The following MALRD1 variants were observed in gnomAD, a reference collection of about 807,000 sequenced individuals.
MALRD1 encodes MAM and LDL receptor class A domain containing 1.
MALRD1 carries 247 observed loss-of-function variants against 242.1 expected under a neutral mutation model. The observed-to-expected ratio is 1.02, with a 90% CI of 0.92 to 1.13. MALRD1 has a LOEUF of 1.13. MALRD1 is among the 50% of genes most tolerant of loss of function. MALRD1 has a pLI of 0.00. For missense variants in MALRD1, 2,989 were observed against 2,533.1 expected (o/e 1.18, Z -3.86); for synonymous variants, 995 against 866.6 (o/e 1.15, Z -2.60).
intron 18 of MALRD1, among the ~76,000 whole-genome samples, chr10:19,235,866 T>C (rs1414517560): frequency 6.6e-6 from 1 of 152,042 alleles, no homozygotes; most frequent in African/African-American, 2.4e-5. Flanking sequence ...TTAAGGTATT[T>C]CAAACCCTTG....
intron 5 of MALRD1, among the ~76,000 whole-genome samples, chr10:19,110,264 A>G (rs1334954057): frequency 1.3e-5 from 2 of 152,210 alleles, no homozygotes; most frequent in Non-Finnish European, 2.9e-5. Flanking sequence ...TTCTGTTAGC[A>G]TAAGAGCTTA....
chr10:19,541,278 A>G (rs1834956536), intron 32 of MALRD1, among the ~76,000 whole-genome samples: 1 of 152,214 alleles, frequency 6.6e-6, no homozygotes, highest in African/African-American at 2.4e-5. Flanking sequence ...GGAGAAAAAT[A>G]TTAGATAGTA....
chr10:19,545,731 G>A (rs1835180480), intron 32 of MALRD1, among the ~76,000 whole-genome samples: 1 of 152,066 alleles, frequency 6.6e-6, no homozygotes, highest in South Asian at 2.1e-4. Context: ...CTCCTTCAAG[G>A]AAAATTATTA....
chr10:19,094,135 C>A lies in MALRD1; in HGVS notation c.597+5950C>A, dbSNP rs1333934390. ...TGGGCTCCACCCAGTTGGAGCTTCCCGGCTGCTTTGTTTACCTAAGCAAGC... is the reference window on the plus strand; with the variant it reads ...TGGGCTCCACCCAGTTGGAGCTTCCAGGCTGCTTTGTTTACCTAAGCAAGC... On this transcript the variant is annotated intron_variant, in intron 4 of 39. Coordinates refer to ENST00000454679, the MANE Select transcript of MALRD1 (RefSeq NM_001142308.3). Among the ~76,000 whole-genome samples, 203 of 108,286 alleles carry A rather than the reference C, an allele frequency of 1.9e-3. 8 individuals are homozygous for A. Among genetic ancestry groups the A allele is most frequent in the African/African-American group, 7.2e-3 (191 of 26,396 alleles). 71.0% of individuals were successfully genotyped at this position (108,286 alleles called of 152,430 possible). A position where few individuals can be genotyped will look rare whatever the true frequency, so the allele number is the denominator to read the frequency against.
At chr10:19,280,690 C>A (rs1840760747) in intron 20 of MALRD1, among the ~76,000 whole-genome samples, 1 of 152,124 alleles carries the variant, frequency 6.6e-6, no homozygotes, top group African/African-American at 2.4e-5. Context: ...GCAAATGAGA[C>A]CTTTATCCCC....
intron 24 of MALRD1, among the ~76,000 whole-genome samples, chr10:19,338,070 A>C (rs1325204149): frequency 6.6e-6 from 1 of 152,010 alleles, no homozygotes; most frequent in East Asian, 1.9e-4. Context: ...CAAAAAAAAA[A>C]AAAAAGAAAG....
intron 19 of MALRD1, among the ~76,000 whole-genome samples, chr10:19,271,458 C>T (rs1416701607): frequency 2.0e-5 from 3 of 152,128 alleles, no homozygotes; most frequent in African/African-American, 7.2e-5. Flanking sequence ...TATTCTGTCA[C>T]TATTATTAGA....
At chr10:19,361,867 AG>A (rs1844911373) in intron 26 of MALRD1, among the ~76,000 whole-genome samples, 1 of 152,086 alleles carries the variant, frequency 6.6e-6, no homozygotes, top group African/African-American at 2.4e-5. Flanking sequence ...TCTTATCAAA[AG>A]TTCGGTTTTA....
intron 20 of MALRD1, 61 bp from the exon 21 acceptor site, chr10:19,282,958 A>T: frequency 8.0e-7 from 1 of 1,255,732 alleles, no homozygotes; most frequent in Middle Eastern, 2.0e-4. Flanking sequence ...GCTGATTAAG[A>T]TTGTACAGAT....
intron 31 of MALRD1, among the ~76,000 whole-genome samples, chr10:19,513,576 A>G (rs373237570): frequency 3.9e-5 from 6 of 151,974 alleles, no homozygotes; most frequent in African/African-American, 9.7e-5. Context: ...CGTCTCTACT[A>G]AAAATACAAA....
At chr10:19,672,305 C>T (rs1286344874) in intron 36 of MALRD1, among the ~76,000 whole-genome samples, 3 of 150,966 alleles carry the variant, frequency 2.0e-5, no homozygotes, top group Non-Finnish European at 4.4e-5. Context: ...ACTACCAGCT[C>T]TTTAGACTCT....
intron 21 of MALRD1, among the ~76,000 whole-genome samples, chr10:19,292,892 CAAAA>C (rs57002523): frequency 1.4e-5 from 1 of 72,856 alleles, no homozygotes; most frequent in Non-Finnish European, 2.6e-5. Context: ...GACTCTGCCT[CAAAA>C]AAAAAAAAAA....
At chr10:19,173,114 A>G (rs1172678918) in intron 13 of MALRD1, among the ~76,000 whole-genome samples, 2 of 152,112 alleles carry the variant, frequency 1.3e-5, no homozygotes, top group Non-Finnish European at 2.9e-5. Context: ...GTATCTTTAG[A>G]TACCAGTTTA....
intron 24 of MALRD1, 103 bp downstream of exon 24, chr10:19,331,685 C>T: frequency 1.1e-6 from 1 of 871,960 alleles, no homozygotes; most frequent in Non-Finnish European, 1.8e-6. Context: ...TGTATCTCAA[C>T]ACCAGGGGAA....
intron 32 of MALRD1, among the ~76,000 whole-genome samples, chr10:19,547,285 A>G (rs1001357653): frequency 6.6e-6 from 1 of 152,032 alleles, no homozygotes; most frequent in African/African-American, 2.4e-5. Context: ...ACGTTTTTTC[A>G]GTTCTTCCTC....
At chr10:19,126,228 T>G (rs1390735720) in intron 7 of MALRD1, among the ~76,000 whole-genome samples, 1 of 152,052 alleles carries the variant, frequency 6.6e-6, no homozygotes, top group Non-Finnish European at 1.5e-5. Flanking sequence ...CAGGAATGAG[T>G]ATACGTTTAA....
At chr10:19,142,171 C>CCA (rs1833569201) in intron 10 of MALRD1, among the ~76,000 whole-genome samples, 2 of 26,276 alleles carry the variant, frequency 7.6e-5, no homozygotes, top group Admixed American at 1.1e-3. Context: ...GACTCTAACT[C>CCA]AAAAAAAAAA....
intron 21 of MALRD1, among the ~76,000 whole-genome samples, chr10:19,314,239 A>T (rs1329560910): frequency 6.6e-6 from 1 of 151,618 alleles, no homozygotes; most frequent in Non-Finnish European, 1.5e-5. Flanking sequence ...GATATCTATA[A>T]TGTTGAATGC....
chr10:19,395,271 G>T (rs932301022), intron 28 of MALRD1, among the ~76,000 whole-genome samples: 1 of 152,138 alleles, frequency 6.6e-6, no homozygotes, highest in Non-Finnish European at 1.5e-5. Context: ...GCCTCCAGAG[G>T]TCGTGATGAC....
Sources: gnomAD v4.1 joint callset for allele counts (sites outside exome capture counted in the v4.1 genomes callset) on GRCh38, gnomAD v4.1.1 for gene constraint, MANE v1.5 for transcripts, NCBI Gene and HGNC (gene_info 2026-07-23, HGNC 2026-07-21) for gene names.